MCTP1: variants seen among roughly 807,000 people sequenced by gnomAD.
MCTP1 encodes multiple C2 and transmembrane domain containing 1.
MCTP1 carries 69 observed loss-of-function variants against 120.6 expected under a neutral mutation model. That is an observed-to-expected ratio of 0.57 (90% CI 0.47 to 0.70). The LOEUF (loss-of-function observed/expected upper bound fraction) is 0.70. Among genes scored for constraint, MCTP1 ranks in the 30% least tolerant of loss-of-function variants. MCTP1 has a pLI of 0.00. For synonymous variants in MCTP1, 529 were observed against 493.1 expected, an observed-to-expected ratio of 1.07 and a Z score of -0.96; for missense variants, 1,203 against 1,248.8, an observed-to-expected ratio of 0.96 and a Z score of 0.55.
chr5:95,037,879 A>G (rs1310857101), intron 1 of MCTP1, among the ~76,000 whole-genome samples: 5 of 152,184 alleles, frequency 3.3e-5, no homozygotes, highest in South Asian at 2.1e-4. Context: ...AAAAACAAAA[A>G]CAAAAACAAA....
chr5:94,930,267 A>ATT (rs869306266), intron 6 of MCTP1, among the ~76,000 whole-genome samples: 3,965 of 100,872 alleles, frequency 0.039, 138 homozygotes, highest in Non-Finnish European at 0.042. Flanking sequence ...TTAAAGAAGA[A>ATT]TTTTTTTTTT....
chr5:95,270,651 C>T (rs749427339), intron 1 of MCTP1, among the ~76,000 whole-genome samples: 6 of 152,060 alleles, frequency 3.9e-5, no homozygotes, highest in Non-Finnish European at 7.4e-5. Flanking sequence ...GACTGCGGGC[C>T]GGGCATATTG....
chr5:94,916,241 A>G (rs919750907), intron 8 of MCTP1, among the ~76,000 whole-genome samples: 5 of 152,230 alleles, frequency 3.3e-5, no homozygotes, highest in Non-Finnish European at 7.3e-5. Context: ...AGATATAAAC[A>G]TAGGCTACCA....
chr5:95,068,692 G>A, intron 1 of MCTP1: 1 of 721,782 alleles, frequency 1.4e-6, no homozygotes, highest in African/African-American at 1.9e-5. Context: ...GCATTACTAT[G>A]GTTTTCACAA....
At chr5:94,715,218 A>G (rs1371872921) in intron 19 of MCTP1, among the ~76,000 whole-genome samples, 2 of 152,060 alleles carry the variant, frequency 1.3e-5, no homozygotes, top group African/African-American at 4.8e-5. Context: ...CGGATTCTAC[A>G]GTGCCTCTGG....
intron 1 of MCTP1, among the ~76,000 whole-genome samples, chr5:95,048,116 C>T (rs1745019445): frequency 6.6e-6 from 1 of 152,108 alleles, no homozygotes; most frequent in African/African-American, 2.4e-5. Flanking sequence ...TACTCTCTAA[C>T]ATGTTAGGCA....
At chr5:95,212,558 C>T (rs994043778) in intron 1 of MCTP1, among the ~76,000 whole-genome samples, 2 of 151,682 alleles carry the variant, frequency 1.3e-5, no homozygotes, top group Non-Finnish European at 2.9e-5. Context: ...CAGACACAAC[C>T]AAAAAAGAGA....
At chr5:94,841,705 G>A (rs547280418) in intron 17 of MCTP1, among the ~76,000 whole-genome samples, 1 of 152,294 alleles carries the variant, frequency 6.6e-6, no homozygotes, top group Admixed American at 6.5e-5. Context: ...CTGAATGGAT[G>A]TATATATGCA....
At chr5:94,838,678 C>T (rs550537750) in intron 17 of MCTP1, among the ~76,000 whole-genome samples, 2 of 152,126 alleles carry the variant, frequency 1.3e-5, no homozygotes, top group Admixed American at 6.5e-5. Flanking sequence ...CATCCAGCAC[C>T]GTCTAGCCAG....
intron 2 of MCTP1, among the ~76,000 whole-genome samples, chr5:94,997,861 T>TTA (rs1215791971): frequency 2.6e-5 from 4 of 152,196 alleles, no homozygotes; most frequent in Non-Finnish European, 5.9e-5. Flanking sequence ...CTTCTTAAAA[T>TTA]TAATTACATT....
intron 1 of MCTP1, among the ~76,000 whole-genome samples, chr5:95,206,949 T>TGTTC (rs1017808462): frequency 1.5e-4 from 23 of 152,218 alleles, no homozygotes; most frequent in Non-Finnish European, 2.9e-4. Flanking sequence ...TCAGGAAATT[T>TGTTC]GTTCATTATA....
chr5:95,250,369 T>G (rs1483002898), intron 1 of MCTP1, among the ~76,000 whole-genome samples: 1 of 152,182 alleles, frequency 6.6e-6, no homozygotes, highest in African/African-American at 2.4e-5. Context: ...TCAGGAATCA[T>G]AAAGTCCTTT....
chr5:94,945,030 AT>A (rs1273108848), intron 3 of MCTP1, among the ~76,000 whole-genome samples: 2 of 152,108 alleles, frequency 1.3e-5, no homozygotes, highest in Non-Finnish European at 2.9e-5. Context: ...AACACATGTT[AT>A]TTTCCCCCCA....
chr5:95,200,016 C>T (rs1750828977), intron 1 of MCTP1, among the ~76,000 whole-genome samples: 1 of 151,840 alleles, frequency 6.6e-6, no homozygotes, highest in South Asian at 2.1e-4. Context: ...CAAAAATTAT[C>T]CAAGGGTGGT....
At chr5:95,277,003 C>T (rs946578155) in intron 1 of MCTP1, among the ~76,000 whole-genome samples, 4 of 151,768 alleles carry the variant, frequency 2.6e-5, no homozygotes, top group African/African-American at 4.8e-5. Flanking sequence ...GGAGATGGGT[C>T]AAGGAGAAGT....
intron 12 of MCTP1, among the ~76,000 whole-genome samples, chr5:94,881,338 C>A (rs1159668001): frequency 6.6e-6 from 1 of 152,058 alleles, no homozygotes; most frequent in Non-Finnish European, 1.5e-5. Flanking sequence ...TTCCTGCCCC[C>A]CAAAGATTCT....
chr5:95,249,522 G>A (rs899810775), intron 1 of MCTP1, among the ~76,000 whole-genome samples: 1 of 152,134 alleles, frequency 6.6e-6, no homozygotes, highest in Non-Finnish European at 1.5e-5. Flanking sequence ...ATGATGGAGA[G>A]GATGTGGAGA....
rs183073209 is a variant in MCTP1, at chr5:94,935,456, T to C, written c.1174-3465A>G. ...TACCACTTTGTAATGCTAAGGACTC[T>C]CTACTTCCAGTTATTCATTTCTTCC... On this transcript the variant is annotated intron_variant, in intron 5 of 22. Coordinates refer to ENST00000515393, the MANE Select transcript of MCTP1 (RefSeq NM_024717.7). Among the ~76,000 whole-genome samples the C allele has an allele frequency of 3.2e-3, 487 of 152,196 alleles. 1 individual carries two copies. The highest frequency in any genetic ancestry group is 0.014 in the Middle Eastern group (4 of 294).
At chr5:95,111,335 T>G (rs1327772706) in intron 1 of MCTP1, among the ~76,000 whole-genome samples, 1 of 152,144 alleles carries the variant, frequency 6.6e-6, no homozygotes, top group Non-Finnish European at 1.5e-5. Context: ...CAGGACTAAA[T>G]TGGGGGAAAT....
Sources: allele counts gnomAD v4.1 joint callset (sites outside exome capture counted in the v4.1 genomes callset), GRCh38; gene constraint gnomAD v4.1.1; transcripts MANE v1.5; gene names NCBI Gene and HGNC (gene_info 2026-07-23, HGNC 2026-07-21).